Variants in MTMR8 observed in about 807,000 individuals in gnomAD.
MTMR8 encodes the protein phosphatidylinositol-3,5-bisphosphate 3-phosphatase MTMR8.
A neutral mutation model predicts 39.3 loss-of-function variants in MTMR8; 65 were observed. That is an observed-to-expected ratio of 1.65 (90% CI 1.35 to 2.03). The LOEUF is 2.03. MTMR8 is among the 30% of genes most tolerant of loss of function. MTMR8 has a pLI of 0.00. For synonymous variants in MTMR8, 245 were observed against 185.2 expected, an observed-to-expected ratio of 1.32 and a Z score of -2.62; for missense variants, 777 against 538.9, an observed-to-expected ratio of 1.44 and a Z score of -4.37.
At chrX:64,280,057 T>C in intron 12 of MTMR8, among the ~76,000 whole-genome samples, 1 of 112,051 alleles carries the variant, frequency 8.9e-6, no homozygotes, top group Non-Finnish European at 1.9e-5. Context: ...CTGTAATAAA[T>C]AGCCTACCAA....
chrX:64,357,616 C>A (rs771964346), intron 2 of MTMR8, among the ~76,000 whole-genome samples: 1 of 110,327 alleles, frequency 9.1e-6, no homozygotes, highest in East Asian at 2.9e-4. Flanking sequence ...TTTGTAGAGA[C>A]TAGGTATTGC....
Position 64,268,842 on chromosome X carries a change from G to A in MTMR8, c.1810C>T (p.Gln604Ter), listed in dbSNP as rs1003634003. 7 of 1,209,751 alleles carry A rather than the reference G, an allele frequency of 5.8e-6. No homozygotes were observed. In the African/African-American group the frequency reaches 1.1e-4, roughly 18 times the overall value. ...CAGTTATGGTGGAGGTCTGCACCCTGGCTTTTTACTTGATCCATCTGAGCT... is the reference window on the plus strand; with the variant it reads ...CAGTTATGGTGGAGGTCTGCACCCTAGCTTTTTACTTGATCCATCTGAGCT... ...LRAQMDQVKSQGADLHHNCCE... is the reference protein window; with the variant it reads ...LRAQMDQVKS The change falls in exon 14 of 14, where the codon CAG becomes TAG. Residue 604 changes from glutamine to a stop codon, truncating the protein, a stop_gained. Transcript: ENST00000374852. LOFTEE classifies it low-confidence loss of function (END_TRUNC).
chrX:64,302,376 C>T lies in MTMR8; in HGVS notation c.1481+26396G>A, dbSNP rs747586232. ...TCTTTGATTCGGAAAGGGAACTCCC[C>T]GACCCCTTGCGCTTCCCAGGTGAGG... On this transcript the variant is annotated intron_variant, in intron 12 of 13. Transcript: ENST00000374852. 1.0e-3 allele frequency among the ~76,000 whole-genome samples: 115 copies of T among 112,531 alleles called. 1 individual carries two copies. Among genetic ancestry groups the T allele is most frequent in the Admixed American group, 9.8e-3 (105 of 10,703 alleles).
chrX:64,322,909 T>A (rs1922691434), intron 12 of MTMR8, among the ~76,000 whole-genome samples: 2 of 112,778 alleles, frequency 1.8e-5, no homozygotes, highest in Admixed American at 1.9e-4. Context: ...CCTAGAGGAA[T>A]AGGTAATCTT....
intron 12 of MTMR8, chrX:64,305,545 CT>C (rs2147205408): frequency 2.4e-6 from 1 of 413,992 alleles, no homozygotes; most frequent in Non-Finnish European, 4.5e-6. Flanking sequence ...ACAACTACTT[CT>C]GTTTGCTCTT....
intron 1 of MTMR8, among the ~76,000 whole-genome samples, chrX:64,370,344 T>TAATTTTCATTTAAAAAATGAA (rs1924094913): frequency 9.1e-6 from 1 of 109,654 alleles, no homozygotes; most frequent in Non-Finnish European, 1.9e-5. Context: ...TTAGATGTCA[T>TAATTTTCATTTAAAAAATGAA]AATTTTCATT....
intron 1 of MTMR8, among the ~76,000 whole-genome samples, chrX:64,384,504 G>T (rs183065419): frequency 3.9e-4 from 44 of 112,069 alleles, no homozygotes; most frequent in African/African-American, 1.4e-3. Context: ...GCTTCTGCCT[G>T]GGTACCCAGG....
At chrX:64,325,404 C>T (rs757007448) in intron 12 of MTMR8, among the ~76,000 whole-genome samples, 23 of 111,638 alleles carry the variant, frequency 2.1e-4, no homozygotes, top group Non-Finnish European at 4.0e-4. Flanking sequence ...AAAATACTAG[C>T]AAACAGAATT....
At chrX:64,340,360 G>A (rs1271664390) in intron 8 of MTMR8, among the ~76,000 whole-genome samples, 1 of 111,653 alleles carries the variant, frequency 9.0e-6, no homozygotes, top group African/African-American at 3.3e-5. Context: ...TTCAGATGAC[G>A]GGAAGAACCA....
chrX:64,291,601 C>T (rs1241428679), intron 12 of MTMR8, among the ~76,000 whole-genome samples: 11 of 110,790 alleles, frequency 9.9e-5, no homozygotes, highest in Non-Finnish European at 2.1e-4. Flanking sequence ...TCCTGAAATC[C>T]CTCAACTCAT....
intron 12 of MTMR8, among the ~76,000 whole-genome samples, chrX:64,286,675 C>T (rs1226208310): frequency 2.6e-4 from 29 of 111,703 alleles, no homozygotes; most frequent in African/African-American, 7.5e-4. Flanking sequence ...AATCAATAAA[C>T]GTAATCTAGC....
Position 64,376,000 on chromosome X carries a change from C to T in MTMR8, c.25-16473G>A, listed in dbSNP as rs746729893. The stretch of plus-strand genomic sequence containing the variant: ...TGTAGCACTTCCCCTTCACTCTTTC[C>T]TGTTCCACCATGTGAAGATGTGCCT... On this transcript the variant is annotated intron_variant, in intron 1 of 13. Coordinates refer to ENST00000374852, the MANE Select transcript of MTMR8 (RefSeq NM_017677.4). Among the ~76,000 whole-genome samples the T allele has an allele frequency of 3.6e-5, 4 of 111,676 alleles. No homozygotes were observed. The East Asian group carries it at 1.1e-3, about 32-fold the overall frequency.
intron 12 of MTMR8, among the ~76,000 whole-genome samples, chrX:64,304,703 G>A (rs1451384338): frequency 9.5e-6 from 1 of 105,735 alleles, no homozygotes; most frequent in Non-Finnish European, 1.9e-5. Flanking sequence ...TTCATGTAAA[G>A]TTTTCATTAC....
chrX:64,333,853 C>T (rs566697196), intron 10 of MTMR8, among the ~76,000 whole-genome samples: 6 of 111,829 alleles, frequency 5.4e-5, no homozygotes, highest in Admixed American at 3.8e-4. Context: ...AGGCATATGA[C>T]ACTGCTGACT....
At chrX:64,282,315 C>T (rs760317401) in intron 12 of MTMR8, among the ~76,000 whole-genome samples, 1 of 110,615 alleles carries the variant, frequency 9.0e-6, no homozygotes, top group Non-Finnish European at 1.9e-5. Context: ...GACTTGGAAC[C>T]ACATGTGGAC....
intron 1 of MTMR8, among the ~76,000 whole-genome samples, chrX:64,390,221 C>G (rs1182428159): frequency 8.9e-6 from 1 of 112,022 alleles, no homozygotes; most frequent in East Asian, 2.8e-4. Flanking sequence ...AACATTTGGC[C>G]TTAGTTTCCT....
At chrX:64,303,355 C>G (rs924996722) in intron 12 of MTMR8, among the ~76,000 whole-genome samples, 9 of 112,180 alleles carry the variant, frequency 8.0e-5, no homozygotes, top group African/African-American at 2.6e-4. Context: ...TCTGCTGTTA[C>G]TAGTTTTAAA....
chrX:64,302,951 C>G (rs1921952276), intron 12 of MTMR8, among the ~76,000 whole-genome samples: 1 of 112,456 alleles, frequency 8.9e-6, no homozygotes, highest in African/African-American at 3.2e-5. Flanking sequence ...GGGTTGTGCC[C>G]TCAGGCCTAT....
intron 1 of MTMR8, among the ~76,000 whole-genome samples, chrX:64,369,643 T>C (rs1431843092): frequency 9.0e-6 from 1 of 111,040 alleles, no homozygotes; most frequent in Non-Finnish European, 1.9e-5. Context: ...AGCGATAGCA[T>C]TAGGAGAAAT....
Sources: allele counts gnomAD v4.1 joint callset (sites outside exome capture counted in the v4.1 genomes callset), GRCh38; gene constraint gnomAD v4.1.1; transcripts MANE v1.5; gene names NCBI Gene and HGNC (gene_info 2026-07-23, HGNC 2026-07-21).